CHPF: variants seen among roughly 807,000 people sequenced by gnomAD.
CHPF encodes the protein chondroitin polymerizing factor.
In CHPF, 34 loss-of-function variants were observed where a neutral mutation model predicts 55.1. The ratio of observed to expected loss-of-function variants is 0.62; its 90% confidence interval spans 0.47 to 0.82. CHPF has a LOEUF of 0.82. Among genes scored for constraint, CHPF ranks in the 40% least tolerant of loss-of-function variants. The pLI is 0.00. For missense variants in CHPF, 961 were observed against 1,106.1 expected (o/e 0.87, Z 1.86); for synonymous variants, 489 against 496.6 (o/e 0.98, Z 0.20).
rs777395634 is a variant in CHPF at position 219,540,591 on chromosome 2, C to T, written c.1120G>A (p.Ala374Thr). ...GGTGCTGGAATACCCACGGGCCAAGCAGCTGCCTGGTCCCCATCAACGGCC... is the reference window on the plus strand; with the variant it reads ...GGTGCTGGAATACCCACGGGCCAAGTAGCTGCCTGGTCCCCATCAACGGCC... The part of the protein sequence containing the change: ...HLAVDGDQAA[A>T]WPVGIPAPSR... The change falls in exon 4 of 4, where the codon GCT becomes ACT. Residue 374 changes from alanine to threonine, a missense_variant. Physicochemically the swap from Ala to Thr is moderately conservative, Grantham distance 58. This residue lies in a region of CHPF where 936 missense variants were observed against 1,058.4 expected (regional missense o/e 0.88). Transcript: ENST00000243776. The T allele has an allele frequency of 1.9e-6, 3 of 1,612,174 alleles. No homozygotes were observed. In the African/African-American group the frequency reaches 4.0e-5, roughly 21 times the overall value.
At position 219,539,967 on chromosome 2, in the gene CHPF, C is replaced by A. The variant is rs769635481; in HGVS notation, c.1744G>T (p.Val582Leu). The A allele has an allele frequency of 6.2e-7, 1 of 1,613,758 alleles. No homozygotes were observed. The highest frequency in any genetic ancestry group is 8.5e-7 in the Non-Finnish European group (1 of 1,179,956). The change falls in exon 4 of 4, where the codon GTG becomes TTG. Residue 582 changes from valine (V) to leucine (L), a missense_variant. Physicochemically the swap from Val to Leu is conservative, Grantham distance 32. Coordinates refer to ENST00000243776, the MANE Select transcript of CHPF (RefSeq NM_024536.6). ...ELERRFPGAR[V>L]PWLSVQTAAP... Reference sequence around the variant, plus strand: ...GCTGTCTGCACACTGAGCCATGGCACCCGGGCACCGGGGAAACGCCGCTCC... The same window carrying A: ...GCTGTCTGCACACTGAGCCATGGCAACCGGGCACCGGGGAAACGCCGCTCC...
At position 219,540,245 on chromosome 2, in the gene CHPF, C is replaced by T. The variant is rs748475880; in HGVS notation, c.1466G>A (p.Arg489Gln). Residue 489 changes from arginine to glutamine, a missense_variant, in exon 4 of 4, where the codon CGG (arginine) becomes CAG (glutamine). By Grantham distance (43) the Arg-to-Gln change is conservative (BLOSUM62 1). This residue lies in a region of CHPF where 936 missense variants were observed against 1,058.4 expected (regional missense o/e 0.88). Coordinates refer to ENST00000243776, the MANE Select transcript of CHPF (RefSeq NM_024536.6). ...CAAGATCTCCACGCGGCTCAGCGGCCGGAGCAGCTGCACTCGGCGAGTGAG... is the reference window on the plus strand; with the variant it reads ...CAAGATCTCCACGCGGCTCAGCGGCTGGAGCAGCTGCACTCGGCGAGTGAG... ...RPLTRRVQLL[R>Q]PLSRVEILPV... The T allele has an allele frequency of 8.7e-6, 14 of 1,613,564 alleles. No individual in the cohort carries two copies. The highest frequency in any genetic ancestry group is 6.7e-5 in the Admixed American group (4 of 59,972).
chr2:219,539,445 G>A lies in CHPF; in HGVS notation c.2266C>T (p.Leu756Phe), dbSNP rs1298902824. 1.2e-6 allele frequency: 2 copies of A among 1,612,372 alleles called. No homozygotes were observed. The highest frequency in any genetic ancestry group is 2.7e-5 in the African/African-American group (2 of 74,916). ...ATGGCCAGCTGGGTTCGGGAGCCGA[G>A]GCCCTCAAGCACGCTCTGGAGGCAG... ...HRCLQSVLEG[L>F]GSRTQLAMLL... The change falls in exon 4 of 4, where the codon CTC (leucine) becomes TTC (phenylalanine). Residue 756 changes from leucine (L) to phenylalanine (F), a missense_variant. By Grantham distance (22) the Leu-to-Phe change is conservative (BLOSUM62 0). Coordinates refer to ENST00000243776, the MANE Select transcript of CHPF (RefSeq NM_024536.6).
rs1695224430 is a variant in CHPF at position 219,539,812 on chromosome 2, G to A, written c.1899C>T (p.Ile633=). The A allele has an allele frequency of 6.2e-7, 1 of 1,613,592 alleles. No homozygotes were observed. Among genetic ancestry groups the A allele is most frequent in the African/African-American group, 1.3e-5 (1 of 75,074 alleles). Residue 633 remains isoleucine, a synonymous_variant, in exon 4 of 4, where the codon ATC becomes ATT. Transcript: ENST00000243776. ...TGGGAAAGAAGGCCTGCCAGCCGGAGATGGCATGCATGCGGCAGCGGTTCA... is the reference window on the plus strand; with the variant it reads ...TGGGAAAGAAGGCCTGCCAGCCGGAAATGGCATGCATGCGGCAGCGGTTCA... The part of the protein sequence containing the change: ...DFLNRCRMHA[I]SGWQAFFPMH...
rs749225448 is a variant in CHPF at position 219,543,409 on chromosome 2, G to C, written c.130C>G (p.Gln44Glu). Residue 44 changes from glutamine to glutamate, a missense_variant, in exon 1 of 4, where the codon CAA becomes GAA. Transcript: ENST00000243776. Reference sequence around the variant, plus strand: ...GGCGGCAGCTCAGAGTCTCCAGGTTGGGGCGGGCCTGGGCCGCACGGCTCC... The same window carrying C: ...GGCGGCAGCTCAGAGTCTCCAGGTTCGGGCGGGCCTGGGCCGCACGGCTCC... Reference protein sequence around the residue: ...VEEPCGPGPPQPGDSELPPRG... With the variant: ...VEEPCGPGPPEPGDSELPPRG... 3 of 1,548,276 alleles carry C rather than the reference G, an allele frequency of 1.9e-6. No homozygotes were observed. In the South Asian group the frequency reaches 3.5e-5, roughly 18 times the overall value.
At position 219,541,596 on chromosome 2, in the gene CHPF, G is replaced by T; in HGVS notation, c.888+20C>A. 6.5e-7 allele frequency: 1 copy of T among 1,530,830 alleles called. No homozygotes were observed. The highest frequency in any genetic ancestry group is 1.3e-5 in the South Asian group (1 of 79,296). The allele number at this position is 1,530,830 out of a possible 1,614,324, so 94.8% of individuals were successfully genotyped here. A position where few individuals can be genotyped will look rare whatever the true frequency, so the allele number is the denominator to read the frequency against. ...TTGAACATGACAAGGAGGTATCAGTGGGATAGCTTATCATCCCACCTCGTG... is the reference window on the plus strand; with the variant it reads ...TTGAACATGACAAGGAGGTATCAGTTGGATAGCTTATCATCCCACCTCGTG... On this transcript the variant is annotated intron_variant, in intron 2 of 3. Transcript: ENST00000243776.
chr2:219,541,789 G>A lies in CHPF; in HGVS notation c.715C>T (p.Pro239Ser). Reference sequence around the variant, plus strand: ...AAGCCTCCGTGGCAGTAGCGGCCGGGGGTGGGCTCTCCGCCGATGAAGTCC... The same window carrying A: ...AAGCCTCCGTGGCAGTAGCGGCCGGAGGTGGGCTCTCCGCCGATGAAGTCC... ...PQDFIGGEPT[P>S]GRYCHGGFGV... Residue 239 changes from proline to serine, a missense_variant, in exon 2 of 4, where the codon CCC (proline) becomes TCC (serine). Physicochemically the swap from Pro to Ser is moderately conservative, Grantham distance 74. Around this residue, in one of 3 missense-constraint regions of CHPF, gnomAD observed 936 missense variants for 1,058.4 expected, o/e 0.88. Coordinates refer to ENST00000243776, the MANE Select transcript of CHPF (RefSeq NM_024536.6). The A allele has an allele frequency of 6.2e-7, 1 of 1,607,458 alleles. No individual in the cohort carries two copies. The highest frequency in any genetic ancestry group is 8.5e-7 in the Non-Finnish European group (1 of 1,176,678).
Position 219,539,285 on chromosome 2 carries a change from G to A in CHPF, c.*98C>T, listed in dbSNP as rs1388879728. The A allele has an allele frequency of 1.3e-5, 17 of 1,259,754 alleles. No homozygotes were observed. Among genetic ancestry groups the A allele is most frequent in the East Asian group, 2.4e-5 (1 of 41,444 alleles). The allele number at this position is 1,259,754 out of a possible 1,614,324, so 78.0% of individuals were successfully genotyped here. A position where few individuals can be genotyped will look rare whatever the true frequency, so the allele number is the denominator to read the frequency against. ...GTGGGCCAGCTTGGGGTCTGGCTAC[G>A]GCCAGCCCTGCCCAGCGAGGCTGGC... On this transcript the variant is annotated 3_prime_UTR_variant, in exon 4 of 4. Coordinates refer to ENST00000243776, the MANE Select transcript of CHPF (RefSeq NM_024536.6).
In CHPF at chr2:219,539,374, A is replaced by G. The variant is rs1695208980; in HGVS notation, c.*9T>C. On this transcript the variant is annotated 3_prime_UTR_variant, in exon 4 of 4. Coordinates refer to ENST00000243776, the MANE Select transcript of CHPF (RefSeq NM_024536.6). The stretch of plus-strand genomic sequence containing the variant: ...TGGCCATGCCACGGCCCACGGGGAC[A>G]GGGTGGGGTCAGGTGCTGTTGCCCT... 1.3e-6 allele frequency: 2 copies of G among 1,584,544 alleles called. No homozygotes were observed. The highest frequency in any genetic ancestry group is 1.7e-5 in the Admixed American group (1 of 58,706).
intron 3 of CHPF, 114 bp downstream of exon 3, chr2:219,540,832 C>T: frequency 2.1e-6 from 3 of 1,407,346 alleles, no homozygotes; most frequent in Non-Finnish European, 2.9e-6. Flanking sequence ...CAGGCAGGGG[C>T]TGGGAAGTAG....
rs1445378285 is a variant in CHPF, at chr2:219,541,027, G to A, written c.987C>T (p.Asp329=). 12 of 1,614,000 alleles carry A rather than the reference G, an allele frequency of 7.4e-6. No homozygotes were observed. Among genetic ancestry groups the A allele is most frequent in the Non-Finnish European group, 1.0e-5 (12 of 1,179,960 alleles). The change falls in exon 3 of 4, where the codon GAC becomes GAT. Residue 329 remains aspartate (D), a synonymous_variant. Coordinates refer to ENST00000243776, the MANE Select transcript of CHPF (RefSeq NM_024536.6). ...RSALTAHPVR[D]PVHMYQLHKA... is the part of the protein sequence containing the mutation. The stretch of plus-strand genomic sequence containing the variant: ...TGTGCAGCTGGTACATGTGCACAGG[G>A]TCACGCACAGGGTGGGCTGTCAGGG...
Position 219,539,999 on chromosome 2 carries a change from G to A in CHPF, c.1712C>T (p.Ala571Val). ...DVFAPVKAHV[A>V]ELERRFPGAR... ...ACCGGGGAAACGCCGCTCCAGCTCT[G>A]CCACGTGGGCCTTGACAGGTGCGAA... The change falls in exon 4 of 4, where the codon GCA becomes GTA. Residue 571 changes from alanine (A) to valine (V), a missense_variant. Ala to Val is a moderately conservative substitution (Grantham distance 64). Transcript: ENST00000243776. 6.2e-7 allele frequency: 1 copy of A among 1,613,682 alleles called. No homozygotes were observed. Among genetic ancestry groups the A allele is most frequent in the Non-Finnish European group, 8.5e-7 (1 of 1,179,980 alleles).
Position 219,540,192 on chromosome 2 carries a change from G to T in CHPF, c.1519C>A (p.Arg507Ser). ...GCTAGAGGCAGCAGCACAGTGAGACGTGAGGCCTCAGTGACATAGGGCACA... is the reference window on the plus strand; with the variant it reads ...GCTAGAGGCAGCAGCACAGTGAGACTTGAGGCCTCAGTGACATAGGGCACA... ...LPVPYVTEASRLTVLLPLAAA... is the reference protein window; with the variant it reads ...LPVPYVTEASSLTVLLPLAAA... Residue 507 changes from arginine (R) to serine (S), a missense_variant, in exon 4 of 4, where the codon CGT (arginine) becomes AGT (serine). Arg to Ser is a moderately radical substitution (Grantham distance 110). Transcript: ENST00000243776. 6.2e-7 allele frequency: 1 copy of T among 1,611,930 alleles called. No individual in the cohort carries two copies. The highest frequency in any genetic ancestry group is 8.5e-7 in the Non-Finnish European group (1 of 1,179,142).
chr2:219,541,991 C>T lies in CHPF; in HGVS notation c.513G>A (p.Glu171=), dbSNP rs373176396. Reference sequence around the variant, plus strand: ...CCAGGTGCAGGTGTCCAATGGGTCGCTCCTCGCCTAGCGTCACCACTGCCA... The same window carrying T: ...CCAGGTGCAGGTGTCCAATGGGTCGTTCCTCGCCTAGCGTCACCACTGCCA... ...PGMAVVTLGE[E]RPIGHLHLAL... Residue 171 remains glutamate (E), a synonymous_variant, in exon 2 of 4, where the codon GAG becomes GAA. Coordinates refer to ENST00000243776, the MANE Select transcript of CHPF (RefSeq NM_024536.6). 9 of 1,607,854 alleles carry T rather than the reference C, an allele frequency of 5.6e-6. No homozygotes were observed. Among genetic ancestry groups the T allele is most frequent in the Non-Finnish European group, 6.8e-6 (8 of 1,177,668 alleles).
rs748037251 is a variant in CHPF at position 219,540,099 on chromosome 2, C to T, written c.1612G>A (p.Asp538Asn). 2.2e-5 allele frequency: 35 copies of T among 1,604,130 alleles called. No homozygotes were observed. Among genetic ancestry groups the T allele is most frequent in the Non-Finnish European group, 2.7e-5 (32 of 1,175,934 alleles). The stretch of plus-strand genomic sequence containing the variant: ...AGCAGGGTCAGGGCTGCCGCAGCAT[C>T]ACCAGGCTCCAGTGCTGCAGTGGCA... ...AFATAALEPG[D>N]AAAALTLLLL... The change falls in exon 4 of 4, where the codon GAT (aspartate) becomes AAT (asparagine). Residue 538 changes from aspartate to asparagine, a missense_variant. By Grantham distance (23) the Asp-to-Asn change is conservative. Coordinates refer to ENST00000243776, the MANE Select transcript of CHPF (RefSeq NM_024536.6).
At position 219,539,067 on chromosome 2, in the gene CHPF, C is replaced by T; in HGVS notation, c.*316G>A. The T allele has an allele frequency of 3.1e-6, 1 of 323,338 alleles. No individual in the cohort carries two copies. The highest frequency in any genetic ancestry group is 5.7e-6 in the Non-Finnish European group (1 of 176,142). 20.0% of individuals were successfully genotyped at this position (323,338 alleles called of 1,614,324 possible). On this transcript the variant is annotated 3_prime_UTR_variant, in exon 4 of 4. Transcript: ENST00000243776. ...CTTCCCCAACAACTCTTCTACAGCC[C>T]AGCCCCCAGGGCCCAGAGGCAGGGC...
chr2:219,542,965 G>A (rs1243346268), intron 1 of CHPF: 2 of 1,283,200 alleles, frequency 1.6e-6, no homozygotes, highest in Non-Finnish European at 2.0e-6. Flanking sequence ...GGAGCTAGTA[G>A]GATCTCTGGG....
At position 219,540,228 on chromosome 2, in the gene CHPF, C is replaced by G. The variant is rs751465265; in HGVS notation, c.1483G>C (p.Glu495Gln). The change falls in exon 4 of 4, where the codon GAG (glutamate) becomes CAG (glutamine). Residue 495 changes from glutamate to glutamine, a missense_variant. Glu to Gln is a conservative substitution (Grantham distance 29). Coordinates refer to ENST00000243776, the MANE Select transcript of CHPF (RefSeq NM_024536.6). ...VQLLRPLSRV[E>Q]ILPVPYVTEA... ...GTGACATAGGGCACAGGCAAGATCT[C>G]CACGCGGCTCAGCGGCCGGAGCAGC... 1 of 1,613,394 alleles carries G rather than the reference C, an allele frequency of 6.2e-7. No individual in the cohort carries two copies. The highest frequency in any genetic ancestry group is 8.5e-7 in the Non-Finnish European group (1 of 1,179,712).
At chr2:219,543,150 C>G (rs756487368) in intron 1 of CHPF, 75 bp downstream of exon 1, 15 of 1,371,838 alleles carry the variant, frequency 1.1e-5, no homozygotes, top group Non-Finnish European at 1.3e-5. Flanking sequence ...CGGAGCCTGA[C>G]CCGGGCCCGG....
Sources: allele counts gnomAD v4.1 joint callset, GRCh38; gene constraint gnomAD v4.1.1; regional missense constraint gnomAD v4.1.1; transcripts MANE v1.5; gene names NCBI Gene and HGNC (gene_info 2026-07-23, HGNC 2026-07-21).